The following SYNE1 variants were observed in gnomAD, a reference collection of about 807,000 sequenced individuals.
The protein encoded by SYNE1 is spectrin repeat containing nuclear envelope protein 1.
SYNE1 carries 616 observed loss-of-function variants against 1,111.0 expected under a neutral mutation model. The ratio of observed to expected loss-of-function variants is 0.55; its 90% CI spans 0.52 to 0.59. The LOEUF is 0.59. Ranked by LOEUF, SYNE1 falls within the 20% of genes least tolerant of loss-of-function variation. The pLI, the probability that SYNE1 is intolerant of heterozygous loss-of-function variation, is 0.00. For missense variants in SYNE1, 10,006 were observed against 10,417.0 expected, an observed-to-expected ratio of 0.96 and a Z score of 1.72; for synonymous variants, 3,855 against 3,825.8, an observed-to-expected ratio of 1.01 and a Z score of -0.28.
In SYNE1 at chr6:152,147,218, C is replaced by G. The variant is rs1273339829; in HGVS notation, c.24976+827G>C. 7 of 152,392 alleles carry G rather than the reference C, an allele frequency of 4.6e-5. No homozygotes were observed. In the East Asian group the frequency reaches 1.2e-3, roughly 25 times the overall value. The allele number at this position is 152,392 out of a possible 1,614,324, so 9.4% of individuals were successfully genotyped here. A position where few individuals can be genotyped will look rare whatever the true frequency, so the allele number is the denominator to read the frequency against. On this transcript the variant is annotated intron_variant, in intron 137 of 145. Transcript: ENST00000367255. ...TGTGATTTCTCACATCATTCCCATTCTCCCCATTCCCAATTCTGCTTCCCC... is the reference window on the plus strand; with the variant it reads ...TGTGATTTCTCACATCATTCCCATTGTCCCCATTCCCAATTCTGCTTCCCC...
In SYNE1 at chr6:152,391,323, G is replaced by A; in HGVS notation, c.7958C>T (p.Thr2653Ile). The stretch of plus-strand genomic sequence containing the variant: ...CTCCAGGGTGTCTTTGCTCCCAAGA[G>A]TGCTCTCTGCACAGGCCAGTCTGTC... ...IQDRLACAES[T>I]LGSKDTLEKR... Residue 2653 changes from threonine to isoleucine, a missense_variant, in exon 52 of 146, where the codon ACT becomes ATT. Thr to Ile is a moderately conservative substitution (Grantham distance 89, BLOSUM62 -1). Transcript: ENST00000367255. 2 of 1,614,096 alleles carry A rather than the reference G, an allele frequency of 1.2e-6. No individual in the cohort carries two copies. Among genetic ancestry groups the A allele is most frequent in the South Asian group, 2.2e-5 (2 of 91,090 alleles).
At chr6:152,425,310 T>C in intron 39 of SYNE1, 71 bp downstream of exon 39, 1 of 1,522,980 alleles carries the variant, frequency 6.6e-7, no homozygotes, top group Admixed American at 1.8e-5. Flanking sequence ...AAAACTATGC[T>C]TTCTTAATTT....
At position 152,465,982 on chromosome 6, in the gene SYNE1, C is replaced by G. The variant is rs759024494; in HGVS notation, c.1729G>C (p.Val577Leu). The change falls in exon 17 of 146, where the codon GTG becomes CTG. Residue 577 changes from valine to leucine, a missense_variant and splice_region_variant. Val to Leu is a conservative substitution (Grantham distance 32, BLOSUM62 1). Transcript: ENST00000367255. ...CAACAAATTCTGTAGTATGTTTTAC[C>G]TGAACCATCTGCTTTGACATACATC... Reference protein sequence around the residue: ...AEMYVKADGSVEEAENVMKFM... With the variant: ...AEMYVKADGSLEEAENVMKFM... 6.2e-7 allele frequency: 1 copy of G among 1,608,362 alleles called. No homozygotes were observed. Among genetic ancestry groups the G allele is most frequent in the Non-Finnish European group, 8.5e-7 (1 of 1,175,104 alleles).
chr6:152,316,487 G>T (rs895209384), intron 87 of SYNE1: 4 of 289,922 alleles, frequency 1.4e-5, no homozygotes, highest in Admixed American at 5.0e-5. Flanking sequence ...TCTGAGTGTG[G>T]AGTCTAGAAT....
chr6:152,406,888 A>G, intron 45 of SYNE1, 126 bp downstream of exon 45: 3 of 592,440 alleles, frequency 5.1e-6, no homozygotes, highest in Non-Finnish European at 6.9e-6. Context: ...TAATAATATA[A>G]TAATAAAATA....
At position 152,336,910 on chromosome 6, in the gene SYNE1, C is replaced by T; in HGVS notation, c.12459G>A (p.Leu4153=). ...CAGAGTGCCTCCTCTTCATGTTCTG[C>T]AGTTGCTGATCAGCATCTTGCAGGT... ...WIYLQDADQQ[L]QNMKRRHSEL... Residue 4153 remains leucine, a synonymous_variant, in exon 76 of 146, where the codon CTG becomes CTA. Transcript: ENST00000367255. 2 of 1,614,158 alleles carry T rather than the reference C, an allele frequency of 1.2e-6. No individual in the cohort carries two copies. The highest frequency in any genetic ancestry group is 1.3e-5 in the African/African-American group (1 of 75,056).
At chr6:152,234,091 A>G in intron 111 of SYNE1, 128 bp from the exon 112 acceptor site, 1 of 997,390 alleles carries the variant, frequency 1.0e-6, no homozygotes, top group Non-Finnish European at 1.5e-6. Context: ...AACACTCAAA[A>G]GAAAATGAAA....
At chr6:152,337,713 C>T (rs1327576023) in intron 75 of SYNE1, among the ~76,000 whole-genome samples, 11 of 152,190 alleles carry the variant, frequency 7.2e-5, no homozygotes, top group Admixed American at 6.5e-4. Context: ...CTAGAAAAGA[C>T]TTCTGTTATT....
chr6:152,465,127 C>T, intron 18 of SYNE1, 131 bp downstream of exon 18: 1 of 1,043,202 alleles, frequency 9.6e-7, no homozygotes, highest in South Asian at 1.3e-5. Flanking sequence ...GAAAGTGCAA[C>T]TTTTCAGGCA....
At chr6:152,350,369 C>T in intron 71 of SYNE1, 34 bp from the exon 72 acceptor site, 1 of 1,613,882 alleles carries the variant, frequency 6.2e-7, no homozygotes, top group South Asian at 1.1e-5. Flanking sequence ...AGATGACTTT[C>T]AAGTGAAAAA....
At chr6:152,472,586 G>A in intron 14 of SYNE1, 173 bp from the exon 15 acceptor site, 1 of 710,646 alleles carries the variant, frequency 1.4e-6, no homozygotes. Flanking sequence ...ATAGGAGCTG[G>A]GTGCTTGTAC....
In SYNE1 at chr6:152,331,637, GCAC is replaced by G. The variant is rs1435887406; in HGVS notation, c.13045_13047del (p.Val4349del). The stretch of plus-strand genomic sequence containing the variant: ...TCCATTAGCTCCTGAAATCTGGACT[GCAC>G]CACATTTAACTCCTCCAAGTTGGTG... On this transcript the variant is annotated inframe_deletion, in exon 78 of 146. Transcript: ENST00000367255. The G allele has an allele frequency of 1.2e-6, 2 of 1,614,140 alleles. No homozygotes were observed. Among genetic ancestry groups the G allele is most frequent in the East Asian group, 4.5e-5 (2 of 44,868 alleles).
chr6:152,475,007 A>T (rs2098826964), intron 14 of SYNE1, among the ~76,000 whole-genome samples: 1 of 152,182 alleles, frequency 6.6e-6, no homozygotes, highest in Non-Finnish European at 1.5e-5. Flanking sequence ...ATAATAAATA[A>T]ATGTGAATAA....
chr6:152,630,500 C>T (rs1328069125), intron 2 of SYNE1, among the ~76,000 whole-genome samples: 1 of 152,132 alleles, frequency 6.6e-6, no homozygotes, highest in Admixed American at 6.5e-5. Flanking sequence ...AAATATTCCA[C>T]CTGCCCACAT....
chr6:152,516,582 TTTTTTA>T, intron 6 of SYNE1, among the ~76,000 whole-genome samples: 1 of 152,226 alleles, frequency 6.6e-6, no homozygotes, highest in Non-Finnish European at 1.5e-5. Flanking sequence ...TCTATCTTTA[TTTTTTA>T]TTTTTATTTT....
chr6:152,310,925 A>C (rs1168544127), intron 87 of SYNE1, 52 bp from the exon 88 acceptor site: 2 of 1,570,356 alleles, frequency 1.3e-6, no homozygotes, highest in Non-Finnish European at 1.7e-6. Flanking sequence ...AGAGGGATAT[A>C]GATATTCAAT....
At position 152,321,306 on chromosome 6, in the gene SYNE1, T is replaced by G; in HGVS notation, c.16168A>C (p.Thr5390Pro). The G allele has an allele frequency of 1.2e-6, 2 of 1,613,912 alleles. No homozygotes were observed. The highest frequency in any genetic ancestry group is 1.7e-6 in the Non-Finnish European group (2 of 1,179,894). ...EQKEKYLGLYTILPSELSLQL... is the reference protein window; with the variant it reads ...EQKEKYLGLYPILPSELSLQL... ...AGGGAGAGTTCAGAAGGTAATATGG[T>G]ATAAAGACCTAAGTACTTCTCCTTC... is the stretch of plus-strand genomic sequence containing the variant. The change falls in exon 84 of 146, where the codon ACC becomes CCC. Residue 5390 changes from threonine to proline, a missense_variant. This residue lies in a region of SYNE1 where 4,955 missense variants were observed against 5,017.2 expected (regional missense o/e 0.99). Transcript: ENST00000367255.
At chr6:152,364,712 G>A (rs1172263505) in intron 63 of SYNE1, 135 bp downstream of exon 63, 2 of 948,760 alleles carry the variant, frequency 2.1e-6, no homozygotes, top group South Asian at 2.7e-5. Flanking sequence ...AAGGAAGGAA[G>A]GAAGGAAGGA....
At chr6:152,420,340 C>T (rs758769326) in intron 39 of SYNE1, among the ~76,000 whole-genome samples, 10 of 152,180 alleles carry the variant, frequency 6.6e-5, no homozygotes, top group Non-Finnish European at 1.0e-4. Context: ...ACTTCCATGG[C>T]TAGGTGCAGT....
Sources: gnomAD v4.1 joint callset for allele counts (sites outside exome capture counted in the v4.1 genomes callset) on GRCh38, gnomAD v4.1.1 for gene constraint, gnomAD v4.1.1 regional missense constraint, MANE v1.5 for transcripts, NCBI Gene and HGNC (gene_info 2026-07-23, HGNC 2026-07-21) for gene names.